Variants in NAV3 observed in about 807,000 individuals in gnomAD.
The protein encoded by NAV3 is pore membrane and/or filament interacting like protein 1.
NAV3 carries 87 observed loss-of-function variants against 244.7 expected under a neutral mutation model. That is an observed-to-expected ratio of 0.36 (90% CI 0.30 to 0.42). NAV3 has a LOEUF of 0.42. Ranked by LOEUF, NAV3 falls within the 20% of genes least tolerant of loss-of-function variation. The pLI is 1.00. For synonymous variants in NAV3, 1,126 were observed against 1,042.2 expected (o/e 1.08, Z -1.55); for missense variants, 2,663 against 2,893.3 (o/e 0.92, Z 1.83).
chr12:77,585,941 T>A (rs1034042165), intron 2 of NAV3, among the ~76,000 whole-genome samples: 1 of 152,176 alleles, frequency 6.6e-6, no homozygotes, highest in Non-Finnish European at 1.5e-5. Context: ...GGCAGAAGGA[T>A]CACGAGGTCA....
intron 2 of NAV3, among the ~76,000 whole-genome samples, chr12:77,757,200 C>T (rs1281378979): frequency 1.3e-5 from 2 of 152,192 alleles, no homozygotes; most frequent in Non-Finnish European, 2.9e-5. Flanking sequence ...GACTGCACAT[C>T]GGTTCTTACA....
At chr12:78,207,414 A>C (rs1960443857) in intron 39 of NAV3, among the ~76,000 whole-genome samples, 1 of 152,216 alleles carries the variant, frequency 6.6e-6, no homozygotes, top group South Asian at 2.1e-4. Flanking sequence ...AGATAACTAC[A>C]GTATCATTTC....
intron 3 of NAV3, among the ~76,000 whole-genome samples, chr12:77,961,305 T>TTACACATATACATATATGTAATATAA (rs1891939294): frequency 1.5e-5 from 2 of 131,106 alleles, no homozygotes; most frequent in Non-Finnish European, 3.2e-5. Context: ...CACATATGTA[T>TTACACATATACATATATGTAATATAA]ATATTACACA....
intron 2 of NAV3, among the ~76,000 whole-genome samples, chr12:77,760,377 T>C (rs1173239980): frequency 6.6e-6 from 1 of 152,184 alleles, no homozygotes; most frequent in Non-Finnish European, 1.5e-5. Context: ...CAAGTTTGTT[T>C]TGGAGACAGA....
intron 24 of NAV3, among the ~76,000 whole-genome samples, chr12:78,170,854 G>T (rs570458220): frequency 6.6e-6 from 1 of 151,800 alleles, no homozygotes; most frequent in South Asian, 2.1e-4. Context: ...TACATTGAAT[G>T]ACACCCCCTG....
chr12:77,912,786 A>G (rs11107327), intron 1 of NAV3, among the ~76,000 whole-genome samples: 39,474 of 151,732 alleles, frequency 0.26, 6,041 homozygotes, highest in South Asian at 0.35. Context: ...TTAATTTTGT[A>G]TTTTTACTAG....
intron 1 of NAV3, among the ~76,000 whole-genome samples, chr12:77,905,138 A>G (rs1885828707): frequency 6.6e-6 from 1 of 152,138 alleles, no homozygotes; most frequent in Admixed American, 6.6e-5. Flanking sequence ...AAATGGTAAC[A>G]ATGTCTTCAG....
chr12:77,948,564 C>T (rs1890577233), intron 3 of NAV3, among the ~76,000 whole-genome samples: 1 of 151,640 alleles, frequency 6.6e-6, no homozygotes, highest in East Asian at 1.9e-4. Context: ...ACTGTAAACA[C>T]AAAATACAAT....
chr12:77,574,058 C>A (rs1366313734), intron 2 of NAV3, among the ~76,000 whole-genome samples: 1 of 152,066 alleles, frequency 6.6e-6, no homozygotes, highest in Non-Finnish European at 1.5e-5. Context: ...CATGGAGAAC[C>A]ATAATTCTGC....
chr12:77,898,618 T>C (rs1245715517), intron 1 of NAV3, among the ~76,000 whole-genome samples: 2 of 152,216 alleles, frequency 1.3e-5, no homozygotes, highest in Non-Finnish European at 2.9e-5. Flanking sequence ...CCTGACATCA[T>C]GGGTTGAGGA....
chr12:77,800,455 C>T (rs114457761), intron 2 of NAV3, among the ~76,000 whole-genome samples: 3 of 152,212 alleles, frequency 2.0e-5, no homozygotes, highest in African/African-American at 7.2e-5. Context: ...TCTTGGTGCT[C>T]ACATTCTTCC....
chr12:77,821,371 A>T (rs1379148810), intron 2 of NAV3, among the ~76,000 whole-genome samples: 1 of 152,204 alleles, frequency 6.6e-6, no homozygotes, highest in East Asian at 1.9e-4. Context: ...ATAAGAATAA[A>T]GTTTAAATGT....
At chr12:78,051,827 G>A (rs571691717) in intron 11 of NAV3, among the ~76,000 whole-genome samples, 1 of 152,308 alleles carries the variant, frequency 6.6e-6, no homozygotes, top group East Asian at 1.9e-4. Flanking sequence ...GCCATTTTTA[G>A]CATTTCCTGT....
intron 1 of NAV3, among the ~76,000 whole-genome samples, chr12:77,863,530 A>T (rs1326077011): frequency 6.6e-6 from 1 of 151,852 alleles, no homozygotes; most frequent in Non-Finnish European, 1.5e-5. Context: ...TTCTTGTACC[A>T]TAAGTCATTC....
intron 1 of NAV3, among the ~76,000 whole-genome samples, chr12:77,859,038 A>G (rs1000851648): frequency 6.6e-6 from 1 of 152,100 alleles, no homozygotes; most frequent in Non-Finnish European, 1.5e-5. Context: ...CACTGCAGTT[A>G]TAAAAAGTAT....
intron 12 of NAV3, among the ~76,000 whole-genome samples, chr12:78,092,006 C>T (rs1451968029): frequency 3.9e-5 from 6 of 152,080 alleles, no homozygotes; most frequent in African/African-American, 1.4e-4. Context: ...ATATTTCTTA[C>T]CCCAGAATTC....
chr12:77,735,354 T>C (rs1435136560), intron 2 of NAV3, among the ~76,000 whole-genome samples: 1 of 152,132 alleles, frequency 6.6e-6, no homozygotes, highest in Non-Finnish European at 1.5e-5. Context: ...GCAATACAAA[T>C]GGCTATGTGT....
chr12:77,658,769 C>T (rs1443551123), intron 2 of NAV3, among the ~76,000 whole-genome samples: 1 of 151,802 alleles, frequency 6.6e-6, no homozygotes, highest in Non-Finnish European at 1.5e-5. Flanking sequence ...AGATATAGAT[C>T]AATGGAACAG....
chr12:77,716,762 T>G (rs1876379809), intron 2 of NAV3, among the ~76,000 whole-genome samples: 1 of 151,994 alleles, frequency 6.6e-6, no homozygotes, highest in Admixed American at 6.6e-5. Context: ...TCATACCATT[T>G]ATTCTCTCTT....
Sources: gnomAD v4.1 joint callset for allele counts (sites outside exome capture counted in the v4.1 genomes callset) on GRCh38, gnomAD v4.1.1 for gene constraint, MANE v1.5 for transcripts, NCBI Gene and HGNC (gene_info 2026-07-23, HGNC 2026-07-21) for gene names.